DSTN: variants seen among roughly 807,000 people sequenced by gnomAD.
DSTN encodes destrin.
DSTN carries 10 observed loss-of-function variants against 16.8 expected under a neutral mutation model. That is an observed-to-expected ratio of 0.60 (90% CI 0.37 to 1.01). DSTN has a LOEUF of 1.01. Among genes scored for constraint, DSTN ranks in the 50% least tolerant of loss-of-function variants. The pLI, the probability that DSTN is intolerant of heterozygous loss-of-function variation, is 0.01. For synonymous variants in DSTN, 57 were observed against 58.9 expected (o/e 0.97, Z 0.14); for missense variants, 141 against 196.7 (o/e 0.72, Z 1.69).
At chr20:17,601,931 AT>A (rs989698454) in intron 2 of DSTN, among the ~76,000 whole-genome samples, 6 of 133,584 alleles carry the variant, frequency 4.5e-5, no homozygotes, top group African/African-American at 1.5e-4. Flanking sequence ...ACACTACCTG[AT>A]TTTTTTCTTT....
chr20:17,573,560 G>A (rs2035231968), intron 1 of DSTN, among the ~76,000 whole-genome samples: 1 of 152,044 alleles, frequency 6.6e-6, no homozygotes, highest in Non-Finnish European at 1.5e-5. Flanking sequence ...TCTCCATGGT[G>A]TATATCTAGA....
chr20:17,574,865 C>CTTTTCTTTTTTTTTTTTTT (rs1354147534), intron 1 of DSTN, among the ~76,000 whole-genome samples: 45 of 64,246 alleles, frequency 7.0e-4, no homozygotes, highest in African/African-American at 2.7e-3. Flanking sequence ...CTTTTCTTTT[C>CTTTTCTTTTTTTTTTTTTT]TTTTGTTTTT....
intron 1 of DSTN, chr20:17,596,717 A>C (rs546537002): frequency 1.2e-4 from 123 of 985,438 alleles, no homozygotes; most frequent in Non-Finnish European, 1.1e-4. Flanking sequence ...TAATGGTATA[A>C]GAAACCTCCA....
chr20:17,600,672 TTTA>T (rs1244397743), intron 1 of DSTN, 63 bp from the exon 2 acceptor site: 8 of 1,452,038 alleles, frequency 5.5e-6, no homozygotes, highest in Admixed American at 5.3e-5. Flanking sequence ...ATAAGCAGAA[TTTA>T]TTATTTTATG....
intron 1 of DSTN, among the ~76,000 whole-genome samples, chr20:17,581,257 G>T (rs2035340767): frequency 6.6e-6 from 1 of 151,980 alleles, no homozygotes; most frequent in Admixed American, 6.6e-5. Context: ...GAGGTGAGAG[G>T]ATCACTTGAG....
chr20:17,590,262 C>T (rs2035455417), intron 1 of DSTN, among the ~76,000 whole-genome samples: 1 of 152,188 alleles, frequency 6.6e-6, no homozygotes, highest in African/African-American at 2.4e-5. Flanking sequence ...ACATTTACTT[C>T]CCTCTGTGAG....
Position 17,570,147 on chromosome 20 carries a change from G to C in DSTN, c.-62G>C. ...TCGGTCCCGCAGCCGTGAGGAGGAC[G>C]GTCTGCATACTCGCTGCCCGCCGGC... On this transcript the variant is annotated 5_prime_UTR_variant, in exon 1 of 4. Coordinates refer to ENST00000246069, the MANE Select transcript of DSTN (RefSeq NM_006870.4). 6.6e-7 allele frequency: 1 copy of C among 1,515,988 alleles called. No individual in the cohort carries two copies. 93.9% of individuals were successfully genotyped at this position (1,515,988 alleles called of 1,614,324 possible).
At chr20:17,601,389 C>T (rs1319291150) in intron 2 of DSTN, among the ~76,000 whole-genome samples, 2 of 151,966 alleles carry the variant, frequency 1.3e-5, no homozygotes, top group African/African-American at 4.8e-5. Flanking sequence ...TCCAACGAGC[C>T]ATGCCAGGAA....
intron 1 of DSTN, 107 bp from the exon 2 acceptor site, chr20:17,600,631 T>C (rs2035576072): frequency 1.6e-6 from 2 of 1,280,824 alleles, no homozygotes; most frequent in South Asian, 3.4e-5. Context: ...TTAGATGATA[T>C]ACCTTTAAAA....
chr20:17,589,127 T>G (rs544568789), intron 1 of DSTN, among the ~76,000 whole-genome samples: 3 of 152,160 alleles, frequency 2.0e-5, no homozygotes, highest in African/African-American at 7.2e-5. Flanking sequence ...GGTGGACTTA[T>G]GTTCTTTTTC....
At chr20:17,597,363 A>T (rs988274552) in intron 1 of DSTN, among the ~76,000 whole-genome samples, 3 of 152,164 alleles carry the variant, frequency 2.0e-5, no homozygotes, top group Non-Finnish European at 2.9e-5. Flanking sequence ...AATGAATGAG[A>T]TGATGAAATA....
At chr20:17,570,604 C>T (rs2035190924) in intron 1 of DSTN, among the ~76,000 whole-genome samples, 1 of 151,788 alleles carries the variant, frequency 6.6e-6, no homozygotes, top group Non-Finnish European at 1.5e-5. Context: ...GCGTCGGAAT[C>T]CGGCCACCGT....
rs2035656295 is a variant in DSTN at position 17,607,643 on chromosome 20, A to G, written c.*497A>G. ...GTAAGATTAAGTTAGGCAGTCTTCT[A>G]CCAAATGTGTAATGGAGATTGCCTC... is the stretch of plus-strand genomic sequence containing the variant. On this transcript the variant is annotated 3_prime_UTR_variant, in exon 4 of 4. Coordinates refer to ENST00000246069, the MANE Select transcript of DSTN (RefSeq NM_006870.4). 1 of 152,524 alleles carries G rather than the reference A, an allele frequency of 6.6e-6. No individual in the cohort carries two copies. The highest frequency in any genetic ancestry group is 2.4e-5 in the African/African-American group (1 of 41,472). 9.4% of individuals were successfully genotyped at this position (152,524 alleles called of 1,614,324 possible).
rs1411393527 is a variant in DSTN at position 17,607,437 on chromosome 20, G to C, written c.*291G>C. On this transcript the variant is annotated 3_prime_UTR_variant, in exon 4 of 4. Coordinates refer to ENST00000246069, the MANE Select transcript of DSTN (RefSeq NM_006870.4). ...AATTACACAGTTCACAAACAGTAAA[G>C]GCCATGTGAAGAGAATTATTACATC... The C allele has an allele frequency of 3.5e-6, 1 of 286,312 alleles. No individual in the cohort carries two copies. The highest frequency in any genetic ancestry group is 2.2e-5 in the African/African-American group (1 of 45,842). The allele number at this position is 286,312 out of a possible 1,614,324, so 17.7% of individuals were successfully genotyped here.
chr20:17,609,605 T>G lies in DSTN; in HGVS notation c.*2459T>G, dbSNP rs1353069795. ...AGCATCCAGAACTCACTCCAGAAAT[T>G]GAATAAAATGCTAGTAGTTAGTCTC... is the stretch of plus-strand genomic sequence containing the variant. On this transcript the variant is annotated 3_prime_UTR_variant, in exon 4 of 4. Coordinates refer to ENST00000246069, the MANE Select transcript of DSTN (RefSeq NM_006870.4). The G allele has an allele frequency of 6.6e-6, 1 of 152,130 alleles. No homozygotes were observed. Among genetic ancestry groups the G allele is most frequent in the Non-Finnish European group, 1.5e-5 (1 of 68,014 alleles). 9.4% of individuals were successfully genotyped at this position (152,130 alleles called of 1,614,324 possible).
chr20:17,589,916 A>G (rs1003721018), intron 1 of DSTN, among the ~76,000 whole-genome samples: 13 of 152,186 alleles, frequency 8.5e-5, no homozygotes, highest in African/African-American at 3.1e-4. Flanking sequence ...AGGTAGTTAA[A>G]ATAGCTTTCA....
At chr20:17,585,950 ATTAT>A (rs1721021433) in intron 1 of DSTN, among the ~76,000 whole-genome samples, 1 of 151,992 alleles carries the variant, frequency 6.6e-6, no homozygotes, top group Non-Finnish European at 1.5e-5. Context: ...ATTTTATTTT[ATTAT>A]TTATTTATGT....
chr20:17,574,830 T>C (rs2035253054), intron 1 of DSTN, among the ~76,000 whole-genome samples: 1 of 148,624 alleles, frequency 6.7e-6, no homozygotes, highest in Non-Finnish European at 1.5e-5. Context: ...CTTTTTTTCC[T>C]TTCTTTTTTC....
At chr20:17,583,870 G>T (rs541925778) in intron 1 of DSTN, among the ~76,000 whole-genome samples, 2 of 148,248 alleles carry the variant, frequency 1.3e-5, no homozygotes, top group Admixed American at 6.9e-5. Context: ...CTGAATAGCT[G>T]GAACTACAGG....
Sources: gnomAD v4.1 joint callset for allele counts (sites outside exome capture counted in the v4.1 genomes callset) on GRCh38, gnomAD v4.1.1 for gene constraint, MANE v1.5 for transcripts, NCBI Gene and HGNC (gene_info 2026-07-23, HGNC 2026-07-21) for gene names.